Variants in TCF4 observed in about 807,000 individuals in gnomAD.
The protein encoded by TCF4 is transcription factor 4.
In TCF4, 3 loss-of-function variants were observed where a neutral mutation model predicts 82.1. The ratio of observed to expected loss-of-function variants is 0.04; its 90% CI spans 0.02 to 0.09. TCF4 has a LOEUF of 0.09. Among genes scored for constraint, TCF4 ranks in the 10% least tolerant of loss-of-function variants. TCF4 has a pLI of 1.00. For synonymous variants in TCF4, 276 were observed against 309.6 expected (o/e 0.89, Z 1.14); for missense variants, 518 against 852.7 (o/e 0.61, Z 4.89).
rs773028910 is a variant in TCF4, at chr18:55,225,037, AAAC to A, written c.*2995_*2997del. ...ATCTTACCTGGGTTTGATAATTACA[AAAC>A]AACAACAATAAAAAACACACTAAAA... is the stretch of plus-strand genomic sequence containing the variant. On this transcript the variant is annotated 3_prime_UTR_variant, in exon 20 of 20. Coordinates refer to ENST00000354452, the MANE Select transcript of TCF4 (RefSeq NM_001083962.2). 16 of 152,284 alleles carry A rather than the reference AAAC, an allele frequency of 1.1e-4. No individual in the cohort carries two copies. Among genetic ancestry groups the A allele is most frequent in the South Asian group, 2.1e-4 (1 of 4,824 alleles). 9.4% of individuals were successfully genotyped at this position (152,284 alleles called of 1,614,324 possible).
intron 3 of TCF4, among the ~76,000 whole-genome samples, chr18:55,535,592 T>C (rs1201072768): frequency 8.5e-5 from 13 of 152,346 alleles, no homozygotes; most frequent in East Asian, 3.9e-4. Context: ...ACTGGATCAA[T>C]TGAGAAAATG....
intron 5 of TCF4, among the ~76,000 whole-genome samples, chr18:55,409,609 A>G (rs2094255159): frequency 6.6e-6 from 1 of 152,178 alleles, no homozygotes; most frequent in African/African-American, 2.4e-5. Context: ...ACCTTTCAGA[A>G]CTACTATTAT....
chr18:55,319,247 C>T (rs1271171816), intron 8 of TCF4, among the ~76,000 whole-genome samples: 4 of 152,142 alleles, frequency 2.6e-5, no homozygotes, highest in Non-Finnish European at 5.9e-5. Flanking sequence ...GAACAATTAA[C>T]GCATGGTATA....
In TCF4 at chr18:55,495,815, T is replaced by A. The variant is rs183857222; in HGVS notation, c.146-31678A>T. On this transcript the variant is annotated intron_variant, in intron 3 of 19. Transcript: ENST00000354452. ...AATCTAGACCTAAGAAAAGAGCCAT[T>A]TTCCACCGCTCTTTAATTATGAAAA... The A allele has an allele frequency of 1.8e-4, 27 of 152,296 alleles. No individual in the cohort carries two copies. In the East Asian group the frequency reaches 3.7e-3, roughly 21 times the overall value. The allele number at this position is 152,296 out of a possible 1,614,324, so 9.4% of individuals were successfully genotyped here. A position where few individuals can be genotyped will look rare whatever the true frequency, so the allele number is the denominator to read the frequency against.
Position 55,532,166 on chromosome 18 carries a change from T to C in TCF4, c.145+53114A>G, listed in dbSNP as rs190014294. Among the ~76,000 whole-genome samples, 61 of 152,314 alleles carry C rather than the reference T, an allele frequency of 4.0e-4. 1 individual carries two copies. In the East Asian group the frequency reaches 9.4e-3, roughly 24 times the overall value. On this transcript the variant is annotated intron_variant, in intron 3 of 19. Transcript: ENST00000354452. ...GTCCATATATCTTAGGCCCACAGTG[T>C]TATTTTCAAAAAGGAATCACCTAGC...
intron 3 of TCF4, among the ~76,000 whole-genome samples, chr18:55,484,552 A>T (rs1189359737): frequency 6.6e-6 from 1 of 152,208 alleles, no homozygotes; most frequent in East Asian, 1.9e-4. Flanking sequence ...CCAAGTTGCT[A>T]AAATCTCGTC....
At chr18:55,494,205 A>C (rs2096606738) in intron 3 of TCF4, among the ~76,000 whole-genome samples, 1 of 148,500 alleles carries the variant, frequency 6.7e-6, no homozygotes. Context: ...ATGTACAACC[A>C]GGAAGAAAAA....
intron 5 of TCF4, among the ~76,000 whole-genome samples, chr18:55,419,920 A>G (rs2094668952): frequency 6.6e-6 from 1 of 152,208 alleles, no homozygotes; most frequent in Admixed American, 6.5e-5. Flanking sequence ...TGGGTGTCTT[A>G]GTGGAACCCC....
At chr18:55,635,915 C>T (rs536294643) in exon 1 of TCF4, 284 of 1,572,526 alleles carry the variant, frequency 1.8e-4, no homozygotes, top group Middle Eastern at 3.3e-4. Flanking sequence ...TTCCTTTGGC[C>T]GCATAAGTGC....
At chr18:55,401,993 C>T (rs1005982350) in intron 6 of TCF4, 3 of 971,348 alleles carry the variant, frequency 3.1e-6, no homozygotes, top group Non-Finnish European at 3.7e-6. Flanking sequence ...GAGCTTTACA[C>T]CAGAGACACA....
chr18:55,467,856 T>A (rs115548065), intron 3 of TCF4, among the ~76,000 whole-genome samples: 2,301 of 152,300 alleles, frequency 0.015, 61 homozygotes, highest in African/African-American at 0.051. Context: ...AGCTTGAATG[T>A]ATGTCAGACA....
At chr18:55,371,243 T>C (rs1033843376) in intron 6 of TCF4, among the ~76,000 whole-genome samples, 3 of 152,182 alleles carry the variant, frequency 2.0e-5, no homozygotes, top group Admixed American at 1.3e-4. Flanking sequence ...TTGGTCTTGG[T>C]AGAAACATGA....
chr18:55,506,470 C>T (rs2096761175), intron 3 of TCF4, among the ~76,000 whole-genome samples: 1 of 152,148 alleles, frequency 6.6e-6, no homozygotes, highest in South Asian at 2.1e-4. Context: ...TCTAAAACTG[C>T]ATTTTCTTTC....
chr18:55,462,847 C>G (rs188220245), intron 4 of TCF4, among the ~76,000 whole-genome samples: 1 of 152,068 alleles, frequency 6.6e-6, no homozygotes, highest in Non-Finnish European at 1.5e-5. Flanking sequence ...ATGTCAAGCT[C>G]GACAGCTGGT....
chr18:55,254,388 AATT>A, intron 15 of TCF4, 106 bp downstream of exon 15: 1 of 1,051,392 alleles, frequency 9.5e-7, no homozygotes, highest in Non-Finnish European at 1.4e-6. Flanking sequence ...ATGTTAAGTG[AATT>A]ATATCTCAAT....
At chr18:55,537,152 A>G (rs2097124433) in intron 3 of TCF4, among the ~76,000 whole-genome samples, 1 of 151,744 alleles carries the variant, frequency 6.6e-6, no homozygotes, top group African/African-American at 2.4e-5. Flanking sequence ...AAAAAAAAAA[A>G]AAGTACTTGC....
chr18:55,629,096 C>T lies in TCF4; in HGVS notation c.286+2202G>A, dbSNP rs1414265609. On this transcript the variant is annotated intron_variant, in intron 2 of 20. Transcript: ENST00000398339. Reference sequence around the variant, plus strand: ...ACAATCTTATATTTTACATAACAATCTTATAAAAAATAATATTTTGTGTGT... The same window carrying T: ...ACAATCTTATATTTTACATAACAATTTTATAAAAAATAATATTTTGTGTGT... Among the ~76,000 whole-genome samples, 4 of 151,958 alleles carry T rather than the reference C, an allele frequency of 2.6e-5. 1 individual carries two copies. Among genetic ancestry groups the T allele is most frequent in the Admixed American group, 2.6e-4 (4 of 15,276 alleles).
chr18:55,245,041 C>T (rs1201699333), intron 15 of TCF4, among the ~76,000 whole-genome samples: 1 of 152,150 alleles, frequency 6.6e-6, no homozygotes, highest in East Asian at 1.9e-4. Flanking sequence ...CTTTATAGTT[C>T]TAAGATGATT....
intron 3 of TCF4, among the ~76,000 whole-genome samples, chr18:55,497,761 G>C (rs1568231753): frequency 6.6e-6 from 1 of 152,084 alleles, no homozygotes; most frequent in Admixed American, 6.5e-5. Context: ...TATCCAGCGG[G>C]GGGAAAATTA....
Sources: allele counts gnomAD v4.1 joint callset (sites outside exome capture counted in the v4.1 genomes callset), GRCh38; gene constraint gnomAD v4.1.1; transcripts MANE v1.5; gene names NCBI Gene and HGNC (gene_info 2026-07-23, HGNC 2026-07-21).